The following PCDH15 variants were observed in gnomAD, a reference collection of about 807,000 sequenced individuals.
The protein encoded by PCDH15 is protocadherin related 15, also known as protocadherin-15.
In PCDH15, 129 loss-of-function variants were observed where a neutral mutation model predicts 178.5. The observed-to-expected ratio is 0.72, with a 90% CI of 0.63 to 0.84. The LOEUF is 0.84. PCDH15 is among the 40% of genes least tolerant of loss of function. The pLI, the probability that PCDH15 is intolerant of heterozygous loss-of-function variation, is 0.00. For synonymous variants in PCDH15, 800 were observed against 732.0 expected, an observed-to-expected ratio of 1.09 and a Z score of -1.50; for missense variants, 2,230 against 2,099.9, an observed-to-expected ratio of 1.06 and a Z score of -1.21.
At chr10:54,362,835 A>G (rs1946255617) in intron 5 of PCDH15, among the ~76,000 whole-genome samples, 2 of 152,148 alleles carry the variant, frequency 1.3e-5, no homozygotes, top group South Asian at 2.1e-4. Context: ...TTTTATAAAT[A>G]GACCGTAATT....
chr10:54,352,307 T>A (rs1433141960), intron 5 of PCDH15, among the ~76,000 whole-genome samples: 2 of 152,162 alleles, frequency 1.3e-5, no homozygotes, highest in African/African-American at 4.8e-5. Flanking sequence ...TTTTATGTAA[T>A]AGACACAACT....
intron 2 of PCDH15, among the ~76,000 whole-genome samples, chr10:55,108,695 C>T (rs1262706604): frequency 1.3e-5 from 2 of 150,284 alleles, no homozygotes; most frequent in Non-Finnish European, 2.9e-5. Flanking sequence ...TCCTAATTGG[C>T]TAGGTTTCCA....
Position 54,042,875 on chromosome 10 carries a change from GA to G in PCDH15, c.2221-19679del, listed in dbSNP as rs535898748. ...AAGATACTATTTACATAATCTAGGG[GA>G]AAAATGATTGTGGTTTAGAATAGGT... On this transcript the variant is annotated intron_variant, in intron 18 of 37. Transcript: ENST00000644397. Among the ~76,000 whole-genome samples, 4 of 152,222 alleles carry G rather than the reference GA, an allele frequency of 2.6e-5. No homozygotes were observed. The East Asian group carries it at 5.8e-4, about 22-fold the overall frequency.
At chr10:53,824,237 T>C (rs1334879330) in intron 32 of PCDH15, among the ~76,000 whole-genome samples, 1 of 152,080 alleles carries the variant, frequency 6.6e-6, no homozygotes, top group African/African-American at 2.4e-5. Context: ...TAAAGTTGCA[T>C]ACATCAAAGA....
At chr10:54,159,331 G>A (rs1374305679) in intron 13 of PCDH15, among the ~76,000 whole-genome samples, 1 of 151,812 alleles carries the variant, frequency 6.6e-6, no homozygotes, top group Admixed American at 6.6e-5. Context: ...CTTCCTCTAG[G>A]GCTAAACTGG....
intron 10 of PCDH15, among the ~76,000 whole-genome samples, chr10:54,206,325 G>A (rs541509560): frequency 1.8e-4 from 28 of 152,172 alleles, no homozygotes; most frequent in African/African-American, 6.5e-4. Context: ...ACTTATCACC[G>A]ACATGTTGAA....
At chr10:55,159,825 A>G (rs1839014205) in intron 2 of PCDH15, among the ~76,000 whole-genome samples, 1 of 149,476 alleles carries the variant, frequency 6.7e-6, no homozygotes, top group South Asian at 2.1e-4. Flanking sequence ...CATATATATT[A>G]CATCTTTGTT....
upstream of PCDH15, among the ~76,000 whole-genome samples, chr10:55,323,620 T>C (rs1843959465): frequency 6.6e-6 from 1 of 152,212 alleles, no homozygotes; most frequent in African/African-American, 2.4e-5. Flanking sequence ...GGCCTGTAGT[T>C]CCTTTGTTTA....
intron 2 of PCDH15, among the ~76,000 whole-genome samples, chr10:55,021,854 G>C (rs1342617725): frequency 1.3e-5 from 2 of 152,288 alleles, no homozygotes; most frequent in East Asian, 3.9e-4. Context: ...TTTTATTATA[G>C]TAAATTTGTT....
intron 2 of PCDH15, among the ~76,000 whole-genome samples, chr10:54,567,582 T>C (rs947197442): frequency 6.6e-6 from 1 of 152,168 alleles, no homozygotes; most frequent in African/African-American, 2.4e-5. Context: ...GCTTTTCAAA[T>C]GCAAAGCTAA....
chr10:55,452,268 T>A (rs929464099), intron 2 of PCDH15, among the ~76,000 whole-genome samples: 1 of 152,114 alleles, frequency 6.6e-6, no homozygotes, highest in Non-Finnish European at 1.5e-5. Context: ...TTGTGTTAAG[T>A]TGTCTCTGAA....
chr10:54,604,623 A>G (rs1406521974), intron 2 of PCDH15, among the ~76,000 whole-genome samples: 3 of 152,096 alleles, frequency 2.0e-5, no homozygotes, highest in South Asian at 4.1e-4. Context: ...CATAAAATAT[A>G]TATTTTTCCA....
At chr10:54,369,869 G>A (rs1008567180) in intron 4 of PCDH15, among the ~76,000 whole-genome samples, 4 of 151,900 alleles carry the variant, frequency 2.6e-5, no homozygotes, top group Non-Finnish European at 5.9e-5. Flanking sequence ...ATCAGCCCAT[G>A]TTTATAAATA....
chr10:55,142,802 T>C (rs958422842), intron 2 of PCDH15, among the ~76,000 whole-genome samples: 2 of 151,736 alleles, frequency 1.3e-5, no homozygotes, highest in Admixed American at 6.6e-5. Context: ...TGGGTAGCTG[T>C]CATGCAAAGT....
intron 2 of PCDH15, among the ~76,000 whole-genome samples, chr10:55,544,528 T>C (rs990023619): frequency 2.6e-5 from 4 of 152,148 alleles, no homozygotes; most frequent in African/African-American, 7.2e-5. Context: ...TTTTATCTTC[T>C]GGGCATAACA....
intron 28 of PCDH15, among the ~76,000 whole-genome samples, chr10:53,847,387 G>C (rs765510705): frequency 9.2e-5 from 14 of 151,968 alleles, no homozygotes; most frequent in Non-Finnish European, 1.6e-4. Context: ...CATTGCAGCT[G>C]GCTGGAGGGA....
rs2082206595 is a variant in PCDH15, at chr10:54,707,773, G to A, written c.-28-43483C>T. ...TACCAGACATAATGCTTAGGGTTGA[G>A]TATACAAAGATAAAAAAAACCACAT... On this transcript the variant is annotated intron_variant, in intron 1 of 37. Coordinates refer to ENST00000644397, the MANE Select transcript of PCDH15 (RefSeq NM_001384140.1). Among the ~76,000 whole-genome samples the A allele has an allele frequency of 3.3e-5, 5 of 152,022 alleles. No homozygotes were observed. The South Asian group carries it at 1.0e-3, about 32-fold the overall frequency.
rs570223659 is a variant in PCDH15 at position 55,584,695 on chromosome 10, C to G, written c.-156+42930G>C. ...AAAAAAAAAAAAATCAATTAAAATC[C>G]CAGGGCTTCAGCTTTCTCATCTCTA... On this transcript the variant is annotated intron_variant, in intron 2 of 5. Transcript: ENST00000613346. Among the ~76,000 whole-genome samples, 90 of 150,674 alleles carry G rather than the reference C, an allele frequency of 6.0e-4. 1 individual carries two copies. The highest frequency in any genetic ancestry group is 1.1e-3 in the Admixed American group (16 of 15,140).
chr10:55,423,750 T>A (rs961435849), intron 2 of PCDH15, among the ~76,000 whole-genome samples: 1 of 152,092 alleles, frequency 6.6e-6, no homozygotes, highest in Non-Finnish European at 1.5e-5. Flanking sequence ...GGGGCAGACA[T>A]AGCAGGACAG....
Sources: gnomAD v4.1 joint callset for allele counts (sites outside exome capture counted in the v4.1 genomes callset) on GRCh38, gnomAD v4.1.1 for gene constraint, MANE v1.5 for transcripts, NCBI Gene and HGNC (gene_info 2026-07-23, HGNC 2026-07-21) for gene names.